TACC3: variants seen among roughly 807,000 people sequenced by gnomAD.
The protein encoded by TACC3 is transforming acidic coiled-coil containing protein 3.
In TACC3, 52 loss-of-function variants were observed where a neutral mutation model predicts 86.0. The observed-to-expected ratio is 0.60, with a 90% confidence interval of 0.48 to 0.76. The LOEUF (loss-of-function observed/expected upper bound fraction) is 0.76. TACC3 is among the 30% of genes least tolerant of loss of function. The probability of loss-of-function intolerance (pLI) is 0.00; values close to 1 mark genes in which losing one functional copy is unlikely to be tolerated. For synonymous variants in TACC3, 512 were observed against 430.0 expected (o/e 1.19, Z -2.36); for missense variants, 1,120 against 1,070.4 (o/e 1.05, Z -0.65).
At chr4:1,720,893 GCCGCAGCGCCC>G, upstream of TACC3, 1 of 1,515,270 alleles carries the variant, frequency 6.6e-7, no homozygotes, top group East Asian at 2.5e-5. The surrounding 1 kb of genome is among the most constrained non-coding windows in gnomAD (Gnocchi z 4.4). Context: ...CGCGGACGAG[GCCGCAGCGCCC>G]AGTCCCGGAC....
In TACC3 at chr4:1,728,020, C is replaced by T. The variant is rs759287001; in HGVS notation, c.618C>T (p.Cys206=). 9.9e-6 allele frequency: 16 copies of T among 1,613,092 alleles called. No homozygotes were observed. The highest frequency in any genetic ancestry group is 6.7e-5 in the East Asian group (3 of 44,906). ...TPASETLEDP[C]RTESQHKAET... Reference sequence around the variant, plus strand: ...CCTCTGAGACCCTAGAAGACCCTTGCAGGACAGAGTCCCAGCACAAAGCGG... The same window carrying T: ...CCTCTGAGACCCTAGAAGACCCTTGTAGGACAGAGTCCCAGCACAAAGCGG... Residue 206 remains cysteine (C), a synonymous_variant, in exon 4 of 16, where the codon TGC becomes TGT. Transcript: ENST00000313288.
chr4:1,740,404 G>T (rs1718528895), intron 12 of TACC3: 1 of 351,764 alleles, frequency 2.8e-6, no homozygotes, highest in Non-Finnish European at 5.3e-6. Context: ...AAAAGCTTGG[G>T]CTCCTGGAGG....
rs115744945 is a variant in TACC3, at chr4:1,727,141, A to C, written c.306-567A>C. Among the ~76,000 whole-genome samples the C allele has an allele frequency of 3.0e-3, 460 of 152,064 alleles. 2 individuals are homozygous for C. The highest frequency in any genetic ancestry group is 4.9e-3 in the Non-Finnish European group (335 of 67,954). On this transcript the variant is annotated intron_variant, in intron 3 of 15. Coordinates refer to ENST00000313288, the MANE Select transcript of TACC3 (RefSeq NM_006342.3). ...GCAAAAATCCGTCTCAAAAAAAAAA[A>C]ACATAAAAATAAAGGAAGTGGTGGG...
rs558001572 is a variant in TACC3 at position 1,731,450 on chromosome 4, G to A, written c.1591+149G>A. 7.7e-6 allele frequency: 7 copies of A among 905,854 alleles called. 1 individual carries two copies. The African/African-American group carries it at 1.2e-4, about 15-fold the overall frequency. The allele number at this position is 905,854 out of a possible 1,614,324, so 56.1% of individuals were successfully genotyped here. A position where few individuals can be genotyped will look rare whatever the true frequency, so the allele number is the denominator to read the frequency against. On this transcript the variant is annotated intron_variant, in intron 6 of 15. Transcript: ENST00000313288. Reference sequence around the variant, plus strand: ...CTTTGAATGACTCATGCACAAACTTGTGGTTTGTCAAAACTTAGTCAGTGT... The same window carrying A: ...CTTTGAATGACTCATGCACAAACTTATGGTTTGTCAAAACTTAGTCAGTGT...
At chr4:1,740,049 C>G in intron 12 of TACC3, 47 bp downstream of exon 12, 4 of 1,594,722 alleles carry the variant, frequency 2.5e-6, no homozygotes, top group Non-Finnish European at 3.4e-6. Flanking sequence ...GAGGGGCTGC[C>G]TATGCCCCAC....
At chr4:1,738,151 G>T (rs1158467012) in intron 10 of TACC3, 37 of 332,994 alleles carry the variant, frequency 1.1e-4, no homozygotes, top group Non-Finnish European at 1.8e-4. Flanking sequence ...TACATGCCAG[G>T]CTTCAGCCTG....
intron 13 of TACC3, among the ~76,000 whole-genome samples, chr4:1,744,043 A>C (rs28420470): frequency 6.6e-6 from 1 of 151,850 alleles, no homozygotes; most frequent in African/African-American, 2.4e-5. Flanking sequence ...CCCCTCAGTT[A>C]GGGCTTCTCA....
rs1474068477 is a variant in TACC3, at chr4:1,745,116, TA to T, written c.*108del. 36 of 1,282,272 alleles carry T rather than the reference TA, an allele frequency of 2.8e-5. No individual in the cohort carries two copies. The highest frequency in any genetic ancestry group is 1.2e-4 in the Admixed American group (5 of 40,364). The allele number at this position is 1,282,272 out of a possible 1,614,324, so 79.4% of individuals were successfully genotyped here. On this transcript the variant is annotated 3_prime_UTR_variant, in exon 16 of 16. Transcript: ENST00000313288. The stretch of plus-strand genomic sequence containing the variant: ...TTTTCTGTCTTGTCTTCAACTTTTT[TA>T]AAAACTAGATTGCTTTGAAAACATG...
At chr4:1,729,998 C>G (rs1717919689) in intron 4 of TACC3, among the ~76,000 whole-genome samples, 1 of 151,928 alleles carries the variant, frequency 6.6e-6, no homozygotes, top group East Asian at 1.9e-4. Flanking sequence ...GTGCCTTCAC[C>G]TCCTATCTCT....
chr4:1,735,634 CG>C lies in TACC3; in HGVS notation c.1645-92del. The C allele has an allele frequency of 5.2e-6, 5 of 970,010 alleles. No homozygotes were observed. Among genetic ancestry groups the C allele is most frequent in the East Asian group, 2.4e-5 (1 of 41,432 alleles). The allele number at this position is 970,010 out of a possible 1,614,324, so 60.1% of individuals were successfully genotyped here. ...CCGGGGGTGGGAGTGTGCGGGTGAC[CG>C]GGGGTGGGAGTGTGCAGGTGACCTC... is the stretch of plus-strand genomic sequence containing the variant. On this transcript the variant is annotated intron_variant, in intron 7 of 15. Transcript: ENST00000313288. This position sits in a 1 kb window ranked among gnomAD's most constrained non-coding sequence, Gnocchi z 4.2.
chr4:1,728,746 T>G lies in TACC3; in HGVS notation c.1344T>G (p.His448Gln). The change falls in exon 4 of 16, where the codon CAT becomes CAG. Residue 448 changes from histidine (H) to glutamine (Q), a missense_variant. Physicochemically the swap from His to Gln is conservative, Grantham distance 24. Transcript: ENST00000313288. ...RLGQPAAEQL[H>Q]AGPATEEPGP... Reference sequence around the variant, plus strand: ...GCCAGCCAGCGGCTGAACAGTTGCATGCTGGGCCTGCCACGGAGGAGCCAG... The same window carrying G: ...GCCAGCCAGCGGCTGAACAGTTGCAGGCTGGGCCTGCCACGGAGGAGCCAG... 1.2e-6 allele frequency: 2 copies of G among 1,611,834 alleles called. No homozygotes were observed. The highest frequency in any genetic ancestry group is 1.7e-6 in the Non-Finnish European group (2 of 1,179,576).
intron 4 of TACC3, 149 bp downstream of exon 4, chr4:1,728,936 G>T (rs1380808329): frequency 2.5e-6 from 2 of 787,842 alleles, no homozygotes; most frequent in Non-Finnish European, 3.9e-6. Context: ...TAAAAACAGG[G>T]CTCAGGTGGC....
intron 13 of TACC3, among the ~76,000 whole-genome samples, chr4:1,742,368 G>A (rs181716225): frequency 1.7e-3 from 253 of 152,316 alleles, no homozygotes; most frequent in African/African-American, 5.7e-3. Flanking sequence ...CAGCTGCCTT[G>A]GCCTCGCCTC....
intron 6 of TACC3, among the ~76,000 whole-genome samples, chr4:1,731,775 C>T (rs972639965): frequency 6.6e-6 from 1 of 152,204 alleles, no homozygotes. Context: ...GCTGGGATTA[C>T]AAGCATGTAC....
chr4:1,736,905 G>A (rs1233904077), intron 8 of TACC3, among the ~76,000 whole-genome samples: 11 of 149,556 alleles, frequency 7.4e-5, no homozygotes, highest in African/African-American at 2.7e-4. Flanking sequence ...GTGAGACCCT[G>A]TCTCGGAAAA....
At chr4:1,724,543 G>A (rs1266891845) in intron 3 of TACC3, among the ~76,000 whole-genome samples, 7 of 151,044 alleles carry the variant, frequency 4.6e-5, no homozygotes, top group South Asian at 2.1e-4. Flanking sequence ...GGCGCCCGCC[G>A]CCACCACTCC....
chr4:1,737,904 T>C (rs1233173648), intron 10 of TACC3: 1 of 679,438 alleles, frequency 1.5e-6, no homozygotes. Context: ...CCACCCAGTG[T>C]CCCCGCAGTC....
rs1195479184 is a variant in TACC3 at position 1,727,998 on chromosome 4, CTG to C, written c.597_598del (p.Glu200AspfsTer57). ...TTAGACAGAAGAGTGACACCCGCCT[CTG>C]AGACCCTAGAAGACCCTTGCAGGAC... On this transcript the variant is annotated frameshift_variant, in exon 4 of 16. Coordinates refer to ENST00000313288, the MANE Select transcript of TACC3 (RefSeq NM_006342.3). LOFTEE classifies it high-confidence loss of function. The C allele has an allele frequency of 6.2e-7, 1 of 1,613,208 alleles. No individual in the cohort carries two copies.
intron 6 of TACC3, among the ~76,000 whole-genome samples, chr4:1,733,384 A>G (rs1004020271): frequency 1.3e-5 from 2 of 152,200 alleles, no homozygotes; most frequent in Non-Finnish European, 2.9e-5. Context: ...GGCCAGGCAT[A>G]GGGGCCCACA....
Sources: gnomAD v4.1 joint callset for allele counts (sites outside exome capture counted in the v4.1 genomes callset) on GRCh38, gnomAD v4.1.1 for gene constraint, Gnocchi (gnomAD v3.1) non-coding constraint, MANE v1.5 for transcripts, NCBI Gene and HGNC (gene_info 2026-07-23, HGNC 2026-07-21) for gene names.